HERC4: variants seen among roughly 807,000 people sequenced by gnomAD.
HERC4 encodes HECT and RLD domain containing E3 ubiquitin protein ligase 4.
HERC4 carries 28 observed loss-of-function variants against 124.3 expected under a neutral mutation model. The ratio of observed to expected loss-of-function variants is 0.23; its 90% confidence interval spans 0.17 to 0.31. HERC4 has a LOEUF of 0.31. Among genes scored for constraint, HERC4 ranks in the 10% least tolerant of loss-of-function variants. The pLI is 1.00. For missense variants in HERC4, 713 were observed against 1,229.3 expected (o/e 0.58, Z 6.28); for synonymous variants, 407 against 421.5 (o/e 0.97, Z 0.42).
intron 15 of HERC4, among the ~76,000 whole-genome samples, chr10:67,969,353 G>A (rs1207240614): frequency 6.6e-6 from 1 of 152,142 alleles, no homozygotes; most frequent in Non-Finnish European, 1.5e-5. Flanking sequence ...AGCTGAGTGT[G>A]GGGTAGCTTG....
chr10:68,059,788 T>C (rs2040860257), intron 3 of HERC4, among the ~76,000 whole-genome samples: 1 of 92,116 alleles, frequency 1.1e-5, no homozygotes, highest in Non-Finnish European at 1.8e-5. Context: ...TATAATATTA[T>C]ATATCATAAT....
At chr10:67,934,182 C>A (rs780437810) in intron 22 of HERC4, among the ~76,000 whole-genome samples, 2 of 152,154 alleles carry the variant, frequency 1.3e-5, no homozygotes, top group Non-Finnish European at 2.9e-5. Flanking sequence ...ACTTTCTACT[C>A]CCCTGTACAT....
chr10:67,960,027 T>C (rs1056623807), intron 16 of HERC4, among the ~76,000 whole-genome samples: 9 of 152,080 alleles, frequency 5.9e-5, no homozygotes. Context: ...CTGATAGGAG[T>C]GTCTTTGTTT....
intron 16 of HERC4, among the ~76,000 whole-genome samples, chr10:67,957,969 G>A (rs1238212310): frequency 1.3e-5 from 2 of 151,956 alleles, no homozygotes; most frequent in Non-Finnish European, 2.9e-5. Flanking sequence ...CACCACACCC[G>A]GCTAATTTTT....
At chr10:68,041,040 T>C (rs1232151693) in intron 4 of HERC4, among the ~76,000 whole-genome samples, 3 of 152,188 alleles carry the variant, frequency 2.0e-5, no homozygotes, top group Non-Finnish European at 4.4e-5. Context: ...TTATGGAATA[T>C]GTATACTGTT....
chr10:68,025,716 TAAAA>T (rs2038864045), intron 7 of HERC4, 40 bp from the exon 8 acceptor site: 20 of 1,559,402 alleles, frequency 1.3e-5, no homozygotes, highest in Non-Finnish European at 1.7e-5. Flanking sequence ...GAAGGCATGA[TAAAA>T]GAAAATAACT....
intron 9 of HERC4, among the ~76,000 whole-genome samples, chr10:68,001,196 C>T (rs2037209025): frequency 6.6e-6 from 1 of 151,946 alleles, no homozygotes; most frequent in Non-Finnish European, 1.5e-5. Context: ...CATAGTGAGA[C>T]CCCGTCTCTA....
At chr10:68,020,928 A>C (rs1362233906) in intron 8 of HERC4, among the ~76,000 whole-genome samples, 1 of 152,106 alleles carries the variant, frequency 6.6e-6, no homozygotes, top group Non-Finnish European at 1.5e-5. Flanking sequence ...GAAAATCTTA[A>C]AAAAAGTGCA....
intron 4 of HERC4, chr10:68,038,399 C>T: frequency 2.8e-6 from 1 of 362,628 alleles, no homozygotes; most frequent in Non-Finnish European, 4.9e-6. Context: ...CTTGGAAAGA[C>T]AGTATTTAAG....
At position 67,996,322 on chromosome 10, in the gene HERC4, CT is replaced by C. The variant is rs774518986; in HGVS notation, c.1070-3641del. 6.1e-4 allele frequency among the ~76,000 whole-genome samples: 93 copies of C among 151,736 alleles called. 1 individual carries two copies. The highest frequency in any genetic ancestry group is 3.1e-3 in the East Asian group (16 of 5,144). On this transcript the variant is annotated intron_variant, in intron 9 of 24. Coordinates refer to ENST00000373700, the MANE Select transcript of HERC4 (RefSeq NM_015601.4). ...GAAGACCTTGAAATAGACACCCCCC[CT>C]GCCCCACAAGAAACAGTCTTGATTA... is the stretch of plus-strand genomic sequence containing the variant.
intron 9 of HERC4, chr10:68,007,659 A>G (rs2037654581): frequency 6.6e-6 from 1 of 151,598 alleles, no homozygotes; most frequent in Admixed American, 6.6e-5. Flanking sequence ...TTCTTCAGTC[A>G]CTGCAGCCAT....
chr10:68,059,879 AT>A (rs2040899539), intron 3 of HERC4, among the ~76,000 whole-genome samples: 1 of 82,592 alleles, frequency 1.2e-5, no homozygotes, highest in Non-Finnish European at 1.9e-5. Flanking sequence ...TTATAATAAT[AT>A]TATATATCAT....
chr10:68,057,313 A>G (rs966089757), intron 3 of HERC4, among the ~76,000 whole-genome samples: 56 of 152,116 alleles, frequency 3.7e-4, no homozygotes, highest in African/African-American at 1.3e-3. Flanking sequence ...TCAGCTCATC[A>G]TTTTGGGAAG....
rs755058063 is a variant in HERC4 at position 67,990,979 on chromosome 10, T to G, written c.1368A>C (p.Ser456=). Residue 456 remains serine, a synonymous_variant, in exon 13 of 25, where the codon TCA becomes TCC. Coordinates refer to ENST00000373700, the MANE Select transcript of HERC4 (RefSeq NM_015601.4). Reference sequence around the variant, plus strand: ...GCCTAGCAGCATTCATATCAACCCCTGAAAATCTGGTACCTGTTCTATAGT... The same window carrying G: ...GCCTAGCAGCATTCATATCAACCCCGGAAAATCTGGTACCTGTTCTATAGT... ...DDHYRTGTRF[S]GVDMNAARLL... 6.2e-7 allele frequency: 1 copy of G among 1,606,832 alleles called. No homozygotes were observed. Among genetic ancestry groups the G allele is most frequent in the Non-Finnish European group, 8.5e-7 (1 of 1,175,530 alleles).
At chr10:68,058,481 G>A (rs967024730) in intron 3 of HERC4, among the ~76,000 whole-genome samples, 7 of 152,128 alleles carry the variant, frequency 4.6e-5, no homozygotes, top group Non-Finnish European at 1.0e-4. Context: ...CCACATTACC[G>A]TAAGGCAGAC....
intron 15 of HERC4, among the ~76,000 whole-genome samples, chr10:67,971,160 C>G (rs1244112906): frequency 6.6e-6 from 1 of 151,646 alleles, no homozygotes; most frequent in Non-Finnish European, 1.5e-5. Flanking sequence ...TAAAATTTTC[C>G]CAAAAGAAAA....
At chr10:67,948,038 G>A (rs2033517993) in intron 19 of HERC4, among the ~76,000 whole-genome samples, 1 of 150,898 alleles carries the variant, frequency 6.6e-6, no homozygotes, top group African/African-American at 2.4e-5. Flanking sequence ...AAATCACAAG[G>A]GAAATTAGAA....
At chr10:68,045,307 ACAGAGC>A (rs2039966364) in intron 3 of HERC4, among the ~76,000 whole-genome samples, 1 of 152,232 alleles carries the variant, frequency 6.6e-6, no homozygotes, top group African/African-American at 2.4e-5. Context: ...AGCCTGGGTG[ACAGAGC>A]CAGACCGTGT....
chr10:67,930,452 T>C (rs1352092251), intron 23 of HERC4, among the ~76,000 whole-genome samples: 4 of 152,172 alleles, frequency 2.6e-5, no homozygotes, highest in Non-Finnish European at 5.9e-5. Flanking sequence ...GACTGCTAGG[T>C]CATATAGCAA....
Sources: gnomAD v4.1 joint callset for allele counts (sites outside exome capture counted in the v4.1 genomes callset) on GRCh38, gnomAD v4.1.1 for gene constraint, MANE v1.5 for transcripts, NCBI Gene and HGNC (gene_info 2026-07-23, HGNC 2026-07-21) for gene names.